Variants in GRIN2B observed in about 807,000 individuals in gnomAD.
GRIN2B encodes the protein glutamate ionotropic receptor NMDA type subunit 2B.
A neutral mutation model predicts 114.5 loss-of-function variants in GRIN2B; 5 were observed. The ratio of observed to expected loss-of-function variants is 0.04; its 90% CI spans 0.02 to 0.09. The LOEUF (loss-of-function observed/expected upper bound fraction) is 0.09. GRIN2B is among the 10% of genes least tolerant of loss of function. The pLI is 1.00. For missense variants in GRIN2B, 1,108 were observed against 1,943.5 expected (o/e 0.57, Z 8.08); for synonymous variants, 787 against 745.1 (o/e 1.06, Z -0.92).
intron 10 of GRIN2B, among the ~76,000 whole-genome samples, chr12:13,582,726 A>C (rs1214994732): frequency 6.6e-6 from 1 of 151,910 alleles, no homozygotes; most frequent in African/African-American, 2.4e-5. Context: ...GGGGTTCTAT[A>C]ATAGGTCTTA....
intron 2 of GRIN2B, among the ~76,000 whole-genome samples, chr12:13,902,453 AAAAAC>A (rs1358345373): frequency 6.6e-6 from 1 of 152,184 alleles, no homozygotes; most frequent in African/African-American, 2.4e-5. Context: ...AATGAACCAA[AAAAAC>A]AAAACAAAAA....
Position 13,615,982 on chromosome 12 carries a change from C to T in GRIN2B, c.1329-318G>A, listed in dbSNP as rs754116029. On this transcript the variant is annotated intron_variant, in intron 6 of 13. Coordinates refer to ENST00000609686, the MANE Select transcript of GRIN2B (RefSeq NM_000834.5). The surrounding 1 kb of genome is among the most constrained non-coding windows in gnomAD (Gnocchi z 5.8). ...GACTGAACTCTTATTAATCAGCACC[C>T]GGATCCAGATACAGAAAAGTTACCA... is the stretch of plus-strand genomic sequence containing the variant. Among the ~76,000 whole-genome samples, 6 of 152,236 alleles carry T rather than the reference C, an allele frequency of 3.9e-5. No homozygotes were observed. Among genetic ancestry groups the T allele is most frequent in the Middle Eastern group, 6.8e-3 (2 of 294 alleles).
chr12:13,597,366 C>G (rs372401628), intron 10 of GRIN2B, among the ~76,000 whole-genome samples: 2 of 152,306 alleles, frequency 1.3e-5, no homozygotes, highest in African/African-American at 2.4e-5. Context: ...TGAAGCTAAA[C>G]CGAAAGGAAA....
At chr12:13,568,349 T>TA (rs1252508108) in intron 12 of GRIN2B, among the ~76,000 whole-genome samples, 3 of 152,192 alleles carry the variant, frequency 2.0e-5, no homozygotes, top group Non-Finnish European at 2.9e-5. Context: ...CTACTTTGGC[T>TA]AAAAAATTGA....
At chr12:13,606,502 C>T (rs982645700) in intron 10 of GRIN2B, among the ~76,000 whole-genome samples, 3 of 152,170 alleles carry the variant, frequency 2.0e-5, no homozygotes, top group African/African-American at 7.2e-5. Flanking sequence ...AGAGATCCAC[C>T]CCCGTGACCC....
chr12:13,583,076 T>C (rs762434636), intron 10 of GRIN2B, among the ~76,000 whole-genome samples: 2 of 152,210 alleles, frequency 1.3e-5, no homozygotes, highest in Non-Finnish European at 2.9e-5. Flanking sequence ...TATCATAACC[T>C]GCACCTTGAG....
intron 5 of GRIN2B, among the ~76,000 whole-genome samples, chr12:13,645,650 A>G (rs1949754344): frequency 6.6e-6 from 1 of 151,862 alleles, no homozygotes; most frequent in Admixed American, 6.6e-5. Context: ...GAAATAAACA[A>G]TTTCTTTCTC....
rs114963810 is a variant in GRIN2B at position 13,821,730 on chromosome 12, T to C, written c.411+44068A>G. 7.5e-3 allele frequency among the ~76,000 whole-genome samples: 1,136 copies of C among 152,320 alleles called. 22 individuals carry two copies. Among genetic ancestry groups the C allele is most frequent in the African/African-American group, 0.026 (1,091 of 41,580 alleles). On this transcript the variant is annotated intron_variant, in intron 3 of 13. Coordinates refer to ENST00000609686, the MANE Select transcript of GRIN2B (RefSeq NM_000834.5). ...AATGTTCTTTTGGAGCCACATATGA[T>C]TGACAAAGATATGTCCACTATTCTC...
chr12:13,685,090 A>C (rs1328795406), intron 4 of GRIN2B, among the ~76,000 whole-genome samples: 1 of 152,156 alleles, frequency 6.6e-6, no homozygotes, highest in Admixed American at 6.5e-5. Flanking sequence ...TAAGAACCTA[A>C]AGTGACCTAG....
At chr12:13,659,370 T>C (rs549725955) in intron 5 of GRIN2B, among the ~76,000 whole-genome samples, 1 of 152,252 alleles carries the variant, frequency 6.6e-6, no homozygotes, top group African/African-American at 2.4e-5. Context: ...TGCTCCATGA[T>C]TGTCCACATT....
intron 2 of GRIN2B, among the ~76,000 whole-genome samples, chr12:13,901,654 A>G (rs1280386709): frequency 2.0e-5 from 3 of 152,126 alleles, no homozygotes; most frequent in African/African-American, 7.2e-5. Flanking sequence ...TACGTATCTT[A>G]TAAATATATT....
chr12:13,939,959 T>A (rs1867209424), intron 2 of GRIN2B, among the ~76,000 whole-genome samples: 1 of 152,144 alleles, frequency 6.6e-6, no homozygotes, highest in Admixed American at 6.5e-5. Context: ...AGGTACGGCA[T>A]CAAGGCAGGA....
At chr12:13,584,622 A>T (rs1948894275) in intron 10 of GRIN2B, among the ~76,000 whole-genome samples, 1 of 152,208 alleles carries the variant, frequency 6.6e-6, no homozygotes, top group South Asian at 2.1e-4. Context: ...CCAGTCAAGG[A>T]CATCTTTCCT....
At chr12:13,875,343 A>G (rs968253680) in intron 2 of GRIN2B, among the ~76,000 whole-genome samples, 2 of 152,196 alleles carry the variant, frequency 1.3e-5, no homozygotes, top group Non-Finnish European at 2.9e-5. Flanking sequence ...CCTGGCTAAC[A>G]TGGTGAAACC....
intron 5 of GRIN2B, among the ~76,000 whole-genome samples, chr12:13,660,436 T>A (rs944681080): frequency 6.6e-6 from 1 of 152,210 alleles, no homozygotes; most frequent in Non-Finnish European, 1.5e-5. Flanking sequence ...GAAGAGCCCT[T>A]CAGTTTAGGT....
At chr12:13,674,183 G>T (rs1465147273) in intron 5 of GRIN2B, among the ~76,000 whole-genome samples, 2 of 151,938 alleles carry the variant, frequency 1.3e-5, no homozygotes, top group Admixed American at 6.6e-5. Flanking sequence ...AACATAGTGA[G>T]ACCTCATTTC....
chr12:13,850,401 T>A (rs1469346715), intron 3 of GRIN2B, among the ~76,000 whole-genome samples: 1 of 152,152 alleles, frequency 6.6e-6, no homozygotes, highest in Admixed American at 6.5e-5. Flanking sequence ...GGCATCCAGT[T>A]GAAAGTGTTC....
chr12:13,892,309 T>C (rs1052934016), intron 2 of GRIN2B, among the ~76,000 whole-genome samples: 1 of 152,146 alleles, frequency 6.6e-6, no homozygotes, highest in Non-Finnish European at 1.5e-5. Flanking sequence ...AATGGCCGAG[T>C]TCTAATTTGT....
intron 4 of GRIN2B, among the ~76,000 whole-genome samples, chr12:13,725,542 T>C (rs936813006): frequency 6.6e-6 from 1 of 152,118 alleles, no homozygotes; most frequent in Non-Finnish European, 1.5e-5. Flanking sequence ...GGCCACAGCA[T>C]GAGCAAGACA....
Sources: gnomAD v4.1 joint callset for allele counts (sites outside exome capture counted in the v4.1 genomes callset) on GRCh38, gnomAD v4.1.1 for gene constraint, Gnocchi (gnomAD v3.1) non-coding constraint, MANE v1.5 for transcripts, NCBI Gene and HGNC (gene_info 2026-07-23, HGNC 2026-07-21) for gene names.